The following PPARGC1A variants were observed in gnomAD, a reference collection of about 807,000 sequenced individuals.
PPARGC1A encodes the protein PPARG coactivator 1 alpha, also known as peroxisome proliferator-activated receptor gamma coactivator 1-alpha.
Under a neutral mutation model 88.7 loss-of-function variants are expected in PPARGC1A, and 25 were observed. The ratio of observed to expected loss-of-function variants is 0.28; its 90% confidence interval spans 0.21 to 0.39. The LOEUF is 0.39. Among genes scored for constraint, PPARGC1A ranks in the 10% least tolerant of loss-of-function variants. PPARGC1A has a pLI of 1.00. For missense variants in PPARGC1A, 880 were observed against 968.7 expected (o/e 0.91, Z 1.22); for synonymous variants, 363 against 355.6 (o/e 1.02, Z -0.24).
At chr4:23,844,735 G>GAT (rs1553889178) in intron 2 of PPARGC1A, among the ~76,000 whole-genome samples, 7 of 34,024 alleles carry the variant, frequency 2.1e-4, no homozygotes, top group South Asian at 8.2e-4. Context: ...TATAATATAT[G>GAT]ATATATCATA....
the PPARGC1A span, among the ~76,000 whole-genome samples, chr4:24,108,082 T>G: frequency 6.6e-6 from 1 of 152,210 alleles, no homozygotes; most frequent in South Asian, 2.1e-4. Flanking sequence ...AATTTGAGGA[T>G]GCACAGCCTC....
At chr4:24,125,730 A>G in the PPARGC1A span, among the ~76,000 whole-genome samples, 7 of 152,274 alleles carry the variant, frequency 4.6e-5, no homozygotes, top group East Asian at 1.4e-3. Context: ...GAGAGAGAGA[A>G]AGAGAGAGAC....
chr4:24,030,753 T>C, the PPARGC1A span, among the ~76,000 whole-genome samples: 1 of 152,028 alleles, frequency 6.6e-6, no homozygotes, highest in Non-Finnish European at 1.5e-5. Flanking sequence ...CTCTCTCATA[T>C]CTCTCTTTCT....
the PPARGC1A span, among the ~76,000 whole-genome samples, chr4:24,076,831 T>A: frequency 6.6e-6 from 1 of 152,172 alleles, no homozygotes; most frequent in African/African-American, 2.4e-5. Context: ...CTCTTCATCA[T>A]CCCAATATAG....
At chr4:24,323,033 G>A in the PPARGC1A span, among the ~76,000 whole-genome samples, 1 of 152,094 alleles carries the variant, frequency 6.6e-6, no homozygotes, top group Non-Finnish European at 1.5e-5. Flanking sequence ...GCATGGGTTT[G>A]GACCTCAGGT....
the PPARGC1A span, among the ~76,000 whole-genome samples, chr4:24,139,040 C>T: frequency 6.6e-6 from 1 of 152,118 alleles, no homozygotes; most frequent in African/African-American, 2.4e-5. Flanking sequence ...TTCTTCAGTG[C>T]AGTTTTTCTT....
the PPARGC1A span, among the ~76,000 whole-genome samples, chr4:24,407,337 T>C: frequency 6.6e-6 from 1 of 152,310 alleles, no homozygotes; most frequent in East Asian, 1.9e-4. Context: ...GTAAAACAAG[T>C]AGCACTAACA....
At chr4:24,031,997 C>T in the PPARGC1A span, among the ~76,000 whole-genome samples, 16 of 152,286 alleles carry the variant, frequency 1.1e-4, no homozygotes, top group African/African-American at 3.4e-4. Flanking sequence ...CTCTTGCCTC[C>T]TGTAACAGAA....
chr4:24,249,588 A>T, the PPARGC1A span, among the ~76,000 whole-genome samples: 1 of 152,194 alleles, frequency 6.6e-6, no homozygotes, highest in Non-Finnish European at 1.5e-5. Context: ...CTTTCCTTCA[A>T]CTTGAGGGTT....
the PPARGC1A span, among the ~76,000 whole-genome samples, chr4:23,957,054 A>C: frequency 7.2e-5 from 11 of 152,092 alleles, no homozygotes; most frequent in African/African-American, 2.7e-4. Context: ...CAAAGCCCAC[A>C]TTCTAACCAC....
the PPARGC1A span, among the ~76,000 whole-genome samples, chr4:24,304,441 C>A: frequency 3.3e-5 from 5 of 152,126 alleles, no homozygotes; most frequent in Admixed American, 3.3e-4. Context: ...TAATTTCATC[C>A]CCACCAGCAA....
the PPARGC1A span, among the ~76,000 whole-genome samples, chr4:24,132,517 C>T: frequency 2.6e-5 from 4 of 152,072 alleles, no homozygotes; most frequent in Non-Finnish European, 4.4e-5. Flanking sequence ...GTTTAGTCAG[C>T]GATTGTACCT....
the PPARGC1A span, among the ~76,000 whole-genome samples, chr4:24,452,460 A>G: frequency 5.9e-5 from 9 of 152,090 alleles, no homozygotes; most frequent in African/African-American, 2.2e-4. Flanking sequence ...TCCTTCCATC[A>G]TTGTGCACTA....
chr4:24,252,901 T>A, the PPARGC1A span, among the ~76,000 whole-genome samples: 1 of 152,344 alleles, frequency 6.6e-6, no homozygotes, highest in South Asian at 2.1e-4. Flanking sequence ...TGTAGTTCTT[T>A]CTATTTGAGG....
the PPARGC1A span, among the ~76,000 whole-genome samples, chr4:24,273,262 G>A: frequency 7.9e-5 from 12 of 152,118 alleles, no homozygotes; most frequent in Non-Finnish European, 1.6e-4. Flanking sequence ...AACTCTGCCC[G>A]CATCACTATG....
chr4:24,132,896 A>G, the PPARGC1A span, among the ~76,000 whole-genome samples: 2 of 152,092 alleles, frequency 1.3e-5, no homozygotes, highest in African/African-American at 4.8e-5. Context: ...TGCATACATT[A>G]CTGCTGACAT....
At chr4:24,427,639 G>T in the PPARGC1A span, among the ~76,000 whole-genome samples, 18 of 152,164 alleles carry the variant, frequency 1.2e-4, no homozygotes, top group African/African-American at 4.3e-4. Context: ...CCATAGGTGG[G>T]TGGGCCAATA....
intron 2 of PPARGC1A, among the ~76,000 whole-genome samples, chr4:23,863,213 T>C (rs1452934017): frequency 6.6e-6 from 1 of 152,116 alleles, no homozygotes; most frequent in Non-Finnish European, 1.5e-5. Flanking sequence ...TCAAGCTCTA[T>C]GACCTCAAGC....
the PPARGC1A span, among the ~76,000 whole-genome samples, chr4:24,106,242 T>C: frequency 6.6e-6 from 1 of 152,214 alleles, no homozygotes; most frequent in Admixed American, 6.5e-5. Flanking sequence ...CTCCTTTAAG[T>C]TTCTCCATGT....
Sources: allele counts gnomAD v4.1 joint callset (sites outside exome capture counted in the v4.1 genomes callset), GRCh38; gene constraint gnomAD v4.1.1; transcripts MANE v1.5; gene names NCBI Gene and HGNC (gene_info 2026-07-23, HGNC 2026-07-21).